The following PALD1 variants were observed in gnomAD, a reference collection of about 807,000 sequenced individuals.
The protein encoded by PALD1 is phosphatase domain containing paladin 1, also known as paladin.
A neutral mutation model predicts 96.0 loss-of-function variants in PALD1; 57 were observed. The observed-to-expected ratio is 0.59, with a 90% CI of 0.48 to 0.74. The LOEUF (loss-of-function observed/expected upper bound fraction) is 0.74, where lower values mean the gene tolerates loss of function less well. PALD1 is among the 30% of genes least tolerant of loss of function. PALD1 has a pLI of 0.00. For missense variants in PALD1, 1,063 were observed against 1,143.7 expected (o/e 0.93, Z 1.02); for synonymous variants, 464 against 473.6 (o/e 0.98, Z 0.26).
chr10:70,465,887 G>A, the PALD1 span, among the ~76,000 whole-genome samples: 1 of 152,214 alleles, frequency 6.6e-6, no homozygotes, highest in Admixed American at 6.5e-5. Flanking sequence ...TGAGGCCCCA[G>A]TTTCGTGGTT....
the PALD1 span, among the ~76,000 whole-genome samples, chr10:70,467,935 C>T: frequency 6.6e-6 from 1 of 152,122 alleles, no homozygotes; most frequent in African/African-American, 2.4e-5. Context: ...TGAAGTTCGC[C>T]ACCTGCCACC....
intron 1 of PALD1, among the ~76,000 whole-genome samples, chr10:70,501,897 A>G (rs989901756): frequency 4.6e-5 from 7 of 151,102 alleles, no homozygotes; most frequent in African/African-American, 1.7e-4. Flanking sequence ...CCCCTTTTTA[A>G]TGGAACAAAA....
intron 18 of PALD1, among the ~76,000 whole-genome samples, chr10:70,548,657 C>T (rs752787037): frequency 6.6e-6 from 1 of 152,242 alleles, no homozygotes; most frequent in Non-Finnish European, 1.5e-5. Flanking sequence ...TTCCCCACTG[C>T]TGGCCAGCAA....
Position 70,547,457 on chromosome 10 carries a change from A to AAACCCCCCCCCCCCCC in PALD1, c.2262+11_2262+12insAACCCCCCCCCCCCCC. On this transcript the variant is annotated intron_variant, in intron 18 of 19. Transcript: ENST00000263563. The stretch of plus-strand genomic sequence containing the variant: ...TGCACCTACCGCCAGGTGAGCCCCC[A>AAACCCCCCCCCCCCCC]CCCCACCCCACCCCACCCTGCCCCA... 2 of 1,016,462 alleles carry AAACCCCCCCCCCCCCC rather than the reference A, an allele frequency of 2.0e-6. No individual in the cohort carries two copies. The highest frequency in any genetic ancestry group is 2.7e-6 in the Non-Finnish European group (2 of 730,176). 63.0% of individuals were successfully genotyped at this position (1,016,462 alleles called of 1,614,324 possible).
Position 70,530,025 on chromosome 10 carries a change from G to C in PALD1, c.425G>C (p.Gly142Ala), listed in dbSNP as rs1410459635. The change falls in exon 4 of 20, where the codon GGG becomes GCG. Residue 142 changes from glycine to alanine, a missense_variant. By Grantham distance (60) the Gly-to-Ala change is moderately conservative. Transcript: ENST00000263563. ...GGCATGGGACAGCCCAGCCTCTCAG[G>C]GTTCAGGCGGGTCCTCCAGAAACTC... is the stretch of plus-strand genomic sequence containing the variant. ...VFGMGQPSLSGFRRVLQKLQK... is the reference protein window; with the variant it reads ...VFGMGQPSLSAFRRVLQKLQK... 1 of 1,560,776 alleles carries C rather than the reference G, an allele frequency of 6.4e-7. No homozygotes were observed. Among genetic ancestry groups the C allele is most frequent in the South Asian group, 1.2e-5 (1 of 84,610 alleles).
intron 19 of PALD1, among the ~76,000 whole-genome samples, chr10:70,565,598 G>A (rs1053751073): frequency 1.3e-5 from 2 of 152,196 alleles, no homozygotes; most frequent in Non-Finnish European, 2.9e-5. Context: ...GGCTATGAAG[G>A]AGTGGAGGCA....
At chr10:70,557,455 A>T (rs1174187271) in intron 18 of PALD1, among the ~76,000 whole-genome samples, 1 of 152,234 alleles carries the variant, frequency 6.6e-6, no homozygotes, top group East Asian at 1.9e-4. Context: ...CAGCATGCAG[A>T]GTGGCCCACG....
chr10:70,497,021 T>C (rs1846205843), intron 1 of PALD1, among the ~76,000 whole-genome samples: 1 of 152,032 alleles, frequency 6.6e-6, no homozygotes, highest in Non-Finnish European at 1.5e-5. Context: ...TTTCCAAGTC[T>C]CGTTTCACTG....
intron 1 of PALD1, among the ~76,000 whole-genome samples, chr10:70,523,049 A>G (rs1589193779): frequency 6.6e-6 from 1 of 152,226 alleles, no homozygotes; most frequent in African/African-American, 2.4e-5. Context: ...CCCCCTCTAG[A>G]TATTTTGGAG....
intron 1 of PALD1, among the ~76,000 whole-genome samples, chr10:70,483,085 C>A (rs1845960974): frequency 6.6e-6 from 1 of 152,024 alleles, no homozygotes; most frequent in Admixed American, 6.6e-5. Context: ...TACATGCAGA[C>A]ACCATGTCTG....
At chr10:70,471,848 A>T in the PALD1 span, among the ~76,000 whole-genome samples, 1 of 152,202 alleles carries the variant, frequency 6.6e-6, no homozygotes, top group Non-Finnish European at 1.5e-5. Flanking sequence ...TGAGGCTCAG[A>T]GAGTGGTGGT....
At chr10:70,507,741 TTGTGTGTGCGTGTG>T (rs777781114) in intron 1 of PALD1, among the ~76,000 whole-genome samples, 1 of 127,270 alleles carries the variant, frequency 7.9e-6, no homozygotes, top group Non-Finnish European at 1.6e-5. Flanking sequence ...TTTGTATGTT[TTGTGTGTGCGTGTG>T]TGTGTGTGTG....
rs79291841 is a variant in PALD1, at chr10:70,504,946, C to G, written c.-29-20977C>G. On this transcript the variant is annotated intron_variant, in intron 1 of 19. Coordinates refer to ENST00000263563, the MANE Select transcript of PALD1 (RefSeq NM_014431.3). ...GCACATTAATGAACATTTTGTACCT[C>G]GTCACGTTAAGATCCACTGGACTGT... Among the ~76,000 whole-genome samples, 1,349 of 152,294 alleles carry G rather than the reference C, an allele frequency of 8.9e-3. 19 individuals carry two copies. The highest frequency in any genetic ancestry group is 0.031 in the African/African-American group (1,302 of 41,544).
At chr10:70,504,035 C>T (rs960510284) in intron 1 of PALD1, among the ~76,000 whole-genome samples, 1 of 152,214 alleles carries the variant, frequency 6.6e-6, no homozygotes, top group African/African-American at 2.4e-5. Flanking sequence ...GCAAGTTAAC[C>T]CGGACCATCT....
At chr10:70,563,798 T>C (rs1847787144) in intron 18 of PALD1, among the ~76,000 whole-genome samples, 1 of 152,078 alleles carries the variant, frequency 6.6e-6, no homozygotes, top group Admixed American at 6.5e-5. Flanking sequence ...GGGGAGGAGA[T>C]TGATGTGCGT....
chr10:70,533,147 C>T, intron 7 of PALD1, 77 bp downstream of exon 7: 1 of 1,159,646 alleles, frequency 8.6e-7, no homozygotes, highest in Non-Finnish European at 1.3e-6. Flanking sequence ...TGGGCACAGC[C>T]TCTCGCCTTC....
intron 1 of PALD1, among the ~76,000 whole-genome samples, chr10:70,480,560 T>C (rs1304320967): frequency 6.6e-6 from 1 of 152,214 alleles, no homozygotes; most frequent in African/African-American, 2.4e-5. Context: ...ACCTCACTTC[T>C]GTGAGGCTCT....
In PALD1 at chr10:70,539,431, T is replaced by TG. The variant is rs1589208889; in HGVS notation, c.1726-143dup. ...AGTGCTCTGCTAACCTGCTTGGCTT[T>TG]GGGGGGTGGCTGTGACCCCTGAGGC... is the stretch of plus-strand genomic sequence containing the variant. On this transcript the variant is annotated intron_variant, in intron 14 of 19. Coordinates refer to ENST00000263563, the MANE Select transcript of PALD1 (RefSeq NM_014431.3). The surrounding 1 kb of genome is among the most constrained non-coding windows in gnomAD (Gnocchi z 4.5). 2.0e-6 allele frequency: 2 copies of TG among 1,002,748 alleles called. No individual in the cohort carries two copies. The highest frequency in any genetic ancestry group is 2.8e-6 in the Non-Finnish European group (2 of 702,512). The allele number at this position is 1,002,748 out of a possible 1,614,324, so 62.1% of individuals were successfully genotyped here.
intron 8 of PALD1, 74 bp downstream of exon 8, chr10:70,534,147 G>A (rs1847057778): frequency 1.2e-5 from 17 of 1,428,838 alleles, no homozygotes; most frequent in East Asian, 5.0e-5. Context: ...ACAGTGTGGG[G>A]ACATGTCTAG....
Sources: allele counts gnomAD v4.1 joint callset (sites outside exome capture counted in the v4.1 genomes callset), GRCh38; gene constraint gnomAD v4.1.1; non-coding constraint Gnocchi (gnomAD v3.1); transcripts MANE v1.5; gene names NCBI Gene and HGNC (gene_info 2026-07-23, HGNC 2026-07-21).